The following CYP46A1 variants were observed in gnomAD, a reference collection of about 807,000 sequenced individuals.
CYP46A1 encodes cytochrome P450 family 46 subfamily A member 1.
In CYP46A1, 20 loss-of-function variants were observed where a neutral mutation model predicts 63.3. The ratio of observed to expected loss-of-function variants is 0.32; its 90% CI spans 0.22 to 0.46. The LOEUF (loss-of-function observed/expected upper bound fraction) is 0.46. Among genes scored for constraint, CYP46A1 ranks in the 20% least tolerant of loss-of-function variants. The pLI is 1.00. For missense variants in CYP46A1, 445 were observed against 670.8 expected (o/e 0.66, Z 3.72); for synonymous variants, 268 against 273.6 (o/e 0.98, Z 0.20).
chr14:99,722,108 T>C lies in CYP46A1; in HGVS notation c.1176+42T>C. 1 of 1,477,172 alleles carries C rather than the reference T, an allele frequency of 6.8e-7. No individual in the cohort carries two copies. Among genetic ancestry groups the C allele is most frequent in the Non-Finnish European group, 9.4e-7 (1 of 1,065,144 alleles). 91.5% of individuals were successfully genotyped at this position (1,477,172 alleles called of 1,614,324 possible). A position where few individuals can be genotyped will look rare whatever the true frequency, so the allele number is the denominator to read the frequency against. ...GGGGTCCTGGGGTGGGCTGGGCTGC[T>C]TGCCCCAATGGTGGTGAATTTGGGA... On this transcript the variant is annotated intron_variant, in intron 12 of 14. Transcript: ENST00000261835. This position sits in a 1 kb window ranked among gnomAD's most constrained non-coding sequence, Gnocchi z 4.6.
chr14:99,724,865 G>A (rs11848129), intron 12 of CYP46A1, among the ~76,000 whole-genome samples: 46,429 of 152,056 alleles, frequency 0.31, 7,182 homozygotes, highest in East Asian at 0.36. Context: ...CAGAGTGAGC[G>A]TCAGCCCCAC....
chr14:99,691,730 G>T lies in CYP46A1; in HGVS notation c.201-50G>T, dbSNP rs1185891631. On this transcript the variant is annotated intron_variant, in intron 2 of 14. Transcript: ENST00000261835. ...TCTCAGCTGGGCGGGGTTGGTGATG[G>T]TCATACCTCAGGTGGTTGACAGTTT... 4 of 1,578,158 alleles carry T rather than the reference G, an allele frequency of 2.5e-6. No individual in the cohort carries two copies. The African/African-American group carries it at 5.4e-5, about 21-fold the overall frequency.
chr14:99,714,756 A>G (rs2056771876), intron 7 of CYP46A1, among the ~76,000 whole-genome samples: 1 of 138,320 alleles, frequency 7.2e-6, no homozygotes, highest in Admixed American at 7.5e-5. Context: ...GTGAAACCCC[A>G]TCTCAAAAAA....
chr14:99,726,447 C>T, intron 14 of CYP46A1, 110 bp from the exon 15 acceptor site: 1 of 1,225,674 alleles, frequency 8.2e-7, no homozygotes. Flanking sequence ...GCTCCCCAGG[C>T]TCTCACAGGC....
intron 9 of CYP46A1, 114 bp downstream of exon 9, chr14:99,716,313 C>T (rs1305408049): frequency 2.6e-5 from 29 of 1,102,746 alleles, no homozygotes; most frequent in Non-Finnish European, 3.7e-5. Flanking sequence ...CAGAGCTCAC[C>T]GCAGGGCTAG....
chr14:99,719,396 A>G (rs1175554874), intron 10 of CYP46A1, among the ~76,000 whole-genome samples: 1 of 120,514 alleles, frequency 8.3e-6, no homozygotes, highest in Non-Finnish European at 1.7e-5. Context: ...TTTTTTGTGT[A>G]TTTTTAGTAG....
At chr14:99,720,875 A>G (rs914602269) in intron 10 of CYP46A1, among the ~76,000 whole-genome samples, 2 of 150,332 alleles carry the variant, frequency 1.3e-5, no homozygotes, top group Non-Finnish European at 3.0e-5. Context: ...CCTGGGGGTC[A>G]GGAGTTCAAG....
intron 5 of CYP46A1, among the ~76,000 whole-genome samples, chr14:99,703,193 G>T (rs1484849533): frequency 2.0e-5 from 3 of 152,200 alleles, no homozygotes; most frequent in African/African-American, 7.2e-5. Flanking sequence ...TCCCATTGCT[G>T]GCCATGTTAA....
chr14:99,715,162 A>G (rs1234633600), intron 7 of CYP46A1, among the ~76,000 whole-genome samples: 2 of 152,248 alleles, frequency 1.3e-5, no homozygotes, highest in Non-Finnish European at 2.9e-5. Context: ...TCCAACACAA[A>G]TGATAAATGT....
intron 10 of CYP46A1, among the ~76,000 whole-genome samples, chr14:99,719,179 T>A (rs2056820394): frequency 6.6e-6 from 1 of 152,142 alleles, no homozygotes; most frequent in African/African-American, 2.4e-5. Context: ...TTTAGTGGCA[T>A]TAAGGGCATT....
At chr14:99,718,024 T>A (rs780095236) in intron 9 of CYP46A1, 30 bp from the exon 10 acceptor site, 13 of 1,589,352 alleles carry the variant, frequency 8.2e-6, no homozygotes, top group Non-Finnish European at 1.1e-5. Flanking sequence ...TGGCCCCATG[T>A]GGAGCAACCA....
Position 99,725,285 on chromosome 14 carries a change from T to G in CYP46A1, c.1177-106T>G. The G allele has an allele frequency of 5.0e-6, 4 of 793,376 alleles. No individual in the cohort carries two copies. The highest frequency in any genetic ancestry group is 6.5e-6 in the Non-Finnish European group (3 of 462,708). The allele number at this position is 793,376 out of a possible 1,614,324, so 49.1% of individuals were successfully genotyped here. ...GGGTGAAGACATGGGGGGAGGAGAG[T>G]GGGACCCACTCTGCTCTGAGTAGCC... On this transcript the variant is annotated intron_variant, in intron 12 of 14. Transcript: ENST00000261835. This position sits in a 1 kb window ranked among gnomAD's most constrained non-coding sequence, Gnocchi z 4.2.
At chr14:99,724,119 G>T (rs2056873420) in intron 12 of CYP46A1, among the ~76,000 whole-genome samples, 1 of 152,172 alleles carries the variant, frequency 6.6e-6, no homozygotes, top group South Asian at 2.1e-4. Flanking sequence ...CACCAATCAG[G>T]TTGGATTAGG....
At chr14:99,707,804 G>A in intron 7 of CYP46A1, 126 bp downstream of exon 7, 1 of 735,590 alleles carries the variant, frequency 1.4e-6, no homozygotes. Context: ...TATGTCTGAA[G>A]TGACTTCTGA....
intron 7 of CYP46A1, chr14:99,709,743 T>C (rs1157461241): frequency 6.6e-6 from 1 of 152,094 alleles, no homozygotes; most frequent in Non-Finnish European, 1.5e-5. Context: ...AATCTCCGAG[T>C]AGATTCAACC....
At position 99,722,039 on chromosome 14, in the gene CYP46A1, C is replaced by G. The variant is rs1344139356; in HGVS notation, c.1149C>G (p.Val383=). 1 of 1,612,986 alleles carries G rather than the reference C, an allele frequency of 6.2e-7. No individual in the cohort carries two copies. The highest frequency in any genetic ancestry group is 8.5e-7 in the Non-Finnish European group (1 of 1,179,800). Residue 383 remains valine (V), a synonymous_variant, in exon 12 of 15, where the codon GTC becomes GTG. Coordinates refer to ENST00000261835, the MANE Select transcript of CYP46A1 (RefSeq NM_006668.2). This position sits in a 1 kb window ranked among gnomAD's most constrained non-coding sequence, Gnocchi z 4.6. ...AAGAGGAGACCTTGATTGATGGGGT[C>G]AGAGTCCCCGGCAACACCCCGCTCT... The part of the protein sequence containing the change: ...LLEEETLIDG[V]RVPGNTPLLF...
chr14:99,712,103 C>A (rs1041052995), intron 7 of CYP46A1: 2 of 152,118 alleles, frequency 1.3e-5, no homozygotes, highest in African/African-American at 4.8e-5. Flanking sequence ...TGATTAAAAA[C>A]TCTCAACGAA....
chr14:99,705,751 C>T (rs964609024), intron 5 of CYP46A1, among the ~76,000 whole-genome samples: 5 of 152,082 alleles, frequency 3.3e-5, no homozygotes, highest in Non-Finnish European at 5.9e-5. Flanking sequence ...ATGGTGAAAC[C>T]CTGTCTCTAC....
chr14:99,725,387 G>A lies in CYP46A1; in HGVS notation c.1177-4G>A, dbSNP rs761743207. 2.0e-5 allele frequency: 32 copies of A among 1,613,438 alleles called. No individual in the cohort carries two copies. The East Asian group carries it at 2.5e-4, about 12-fold the overall frequency. The stretch of plus-strand genomic sequence containing the variant: ...CCAGAGATGAGCGGACCCTTTGCCC[G>A]CAGTTCAGCACCTATGTCATGGGGC... On this transcript the variant is annotated splice_region_variant and splice_polypyrimidine_tract_variant and intron_variant, in intron 12 of 14. Coordinates refer to ENST00000261835, the MANE Select transcript of CYP46A1 (RefSeq NM_006668.2). The surrounding 1 kb of genome is among the most constrained non-coding windows in gnomAD (Gnocchi z 4.2).
Sources: gnomAD v4.1 joint callset for allele counts (sites outside exome capture counted in the v4.1 genomes callset) on GRCh38, gnomAD v4.1.1 for gene constraint, Gnocchi (gnomAD v3.1) non-coding constraint, MANE v1.5 for transcripts, NCBI Gene and HGNC (gene_info 2026-07-23, HGNC 2026-07-21) for gene names.